Variants in NRG3 observed in about 807,000 individuals in gnomAD.
NRG3 encodes the protein neuregulin 3.
NRG3 carries 31 observed loss-of-function variants against 66.9 expected under a neutral mutation model. The observed-to-expected ratio is 0.46, with a 90% CI of 0.35 to 0.63. NRG3 has a LOEUF of 0.63. Ranked by LOEUF, NRG3 falls within the 20% of genes least tolerant of loss-of-function variation. The pLI, the probability that NRG3 is intolerant of heterozygous loss-of-function variation, is 0.00. For missense variants in NRG3, 910 were observed against 878.9 expected, an observed-to-expected ratio of 1.04 and a Z score of -0.45; for synonymous variants, 393 against 359.4, an observed-to-expected ratio of 1.09 and a Z score of -1.06.
At chr10:82,939,908 A>G (rs1368557628) in intron 4 of NRG3, among the ~76,000 whole-genome samples, 1 of 151,590 alleles carries the variant, frequency 6.6e-6, no homozygotes, top group Non-Finnish European at 1.5e-5. Context: ...ACCAAGCAGA[A>G]GACCACTGGT....
In NRG3 at chr10:82,247,884, C is replaced by A. The variant is rs145762824; in HGVS notation, c.824-110855C>A. On this transcript the variant is annotated intron_variant, in intron 1 of 8. Coordinates refer to ENST00000372141, the MANE Select transcript of NRG3 (RefSeq NM_001010848.4). ...CTTCTATTTACTGCTGATTTTCATT[C>A]TACCTAACTTCTCTGCAAAGATGGT... 5.6e-3 allele frequency among the ~76,000 whole-genome samples: 852 copies of A among 152,196 alleles called. 24 individuals are homozygous for A. Among genetic ancestry groups the A allele is most frequent in the Admixed American group, 0.044 (677 of 15,278 alleles).
rs916919710 is a variant in NRG3 at position 82,776,012 on chromosome 10, T to G, written c.1027+37362T>G. Among the ~76,000 whole-genome samples, 17 of 152,298 alleles carry G rather than the reference T, an allele frequency of 1.1e-4. No individual in the cohort carries two copies. In the East Asian group the frequency reaches 1.2e-3, roughly 10 times the overall value. ...GAATATTCTGAATTTTACTATAAAT[T>G]TATTTCTATCAGTGAGTTTTATACT... is the stretch of plus-strand genomic sequence containing the variant. On this transcript the variant is annotated intron_variant, in intron 3 of 8. Transcript: ENST00000372141.
intron 1 of NRG3, among the ~76,000 whole-genome samples, chr10:81,896,398 G>A (rs1434683464): frequency 6.6e-6 from 1 of 152,124 alleles, no homozygotes; most frequent in Non-Finnish European, 1.5e-5. Context: ...TAGGTTGATT[G>A]TTTTTAAGAA....
rs1330489567 is a variant in NRG3, at chr10:81,875,345, G to C, written c.5G>C (p.Ser2Thr). The change falls in exon 1 of 9, where the codon AGT becomes ACT. Residue 2 changes from serine (S) to threonine (T), a missense_variant. Physicochemically the swap from Ser to Thr is moderately conservative, Grantham distance 58 (BLOSUM62 1). Transcript: ENST00000372141. The surrounding 1 kb of genome is among the most constrained non-coding windows in gnomAD (Gnocchi z 5.3). MSEGAAAASPPG... is the reference protein window; with the variant it reads MTEGAAAASPPG... ...AGGTGAAGACCGGCTCCTAGGATGA[G>C]TGAAGGGGCGGCCGCTGCCTCGCCA... The C allele has an allele frequency of 1.0e-6, 1 of 988,472 alleles. No homozygotes were observed. The highest frequency in any genetic ancestry group is 1.2e-6 in the Non-Finnish European group (1 of 833,438). 61.2% of individuals were successfully genotyped at this position (988,472 alleles called of 1,614,324 possible).
At chr10:82,328,662 G>A (rs914377091) in intron 1 of NRG3, among the ~76,000 whole-genome samples, 1 of 152,134 alleles carries the variant, frequency 6.6e-6, no homozygotes, top group African/African-American at 2.4e-5. Flanking sequence ...TAACTGCCTT[G>A]GAGTGATTTC....
At chr10:82,829,241 G>A (rs1200812629) in intron 3 of NRG3, among the ~76,000 whole-genome samples, 1 of 152,126 alleles carries the variant, frequency 6.6e-6, no homozygotes, top group Non-Finnish European at 1.5e-5. Context: ...AGTGCAGAAG[G>A]AGAGAGTGGC....
At position 82,650,674 on chromosome 10, in the gene NRG3, G is replaced by A. The variant is rs116005970; in HGVS notation, c.954-87903G>A. Among the ~76,000 whole-genome samples the A allele has an allele frequency of 7.6e-4, 115 of 152,304 alleles. 2 individuals carry two copies. Among genetic ancestry groups the A allele is most frequent in the African/African-American group, 2.5e-3 (102 of 41,564 alleles). On this transcript the variant is annotated intron_variant, in intron 2 of 8. Coordinates refer to ENST00000372141, the MANE Select transcript of NRG3 (RefSeq NM_001010848.4). ...TAAGTAACAGTGGTTAACTGGTTAA[G>A]TCATTTTCCAGACACAGAAAAAGTT...
chr10:82,697,428 C>A (rs2055478609), intron 2 of NRG3, among the ~76,000 whole-genome samples: 1 of 152,150 alleles, frequency 6.6e-6, no homozygotes, highest in African/African-American at 2.4e-5. Context: ...AAGACTCAGG[C>A]AGCTAGCCAT....
chr10:82,519,104 T>C (rs1565018363), intron 2 of NRG3, among the ~76,000 whole-genome samples: 1 of 152,148 alleles, frequency 6.6e-6, no homozygotes, highest in Non-Finnish European at 1.5e-5. Context: ...TGAAAAACTG[T>C]GTATGGTGTA....
At chr10:82,217,294 C>T (rs2133726410) in intron 1 of NRG3, among the ~76,000 whole-genome samples, 1 of 152,264 alleles carries the variant, frequency 6.6e-6, no homozygotes, top group East Asian at 1.9e-4. Context: ...GTCTGCATTC[C>T]AGCTACCTGG....
intron 1 of NRG3, among the ~76,000 whole-genome samples, chr10:82,168,457 A>T (rs1724628955): frequency 6.6e-6 from 1 of 152,170 alleles, no homozygotes; most frequent in Admixed American, 6.6e-5. Flanking sequence ...GCCCATCAAA[A>T]TATGGAGAGA....
chr10:82,321,282 A>C, intron 1 of NRG3, among the ~76,000 whole-genome samples: 1 of 143,076 alleles, frequency 7.0e-6, no homozygotes, highest in Non-Finnish European at 1.5e-5. Context: ...CACCCCTGTC[A>C]CACATCCTGT....
At chr10:82,723,803 A>G (rs563718087) in intron 2 of NRG3, among the ~76,000 whole-genome samples, 33 of 152,084 alleles carry the variant, frequency 2.2e-4, no homozygotes, top group African/African-American at 7.5e-4. Flanking sequence ...AACATGGTGA[A>G]ACCCCATCTC....
At chr10:81,977,897 TTTTA>T (rs2060185765) in intron 1 of NRG3, among the ~76,000 whole-genome samples, 1 of 152,186 alleles carries the variant, frequency 6.6e-6, no homozygotes, top group Non-Finnish European at 1.5e-5. Flanking sequence ...ACTTTTTATT[TTTTA>T]TTTATACCTA....
intron 1 of NRG3, among the ~76,000 whole-genome samples, chr10:82,182,684 T>G (rs548305386): frequency 8.7e-4 from 133 of 152,020 alleles, no homozygotes; most frequent in African/African-American, 2.7e-3. Flanking sequence ...CTTACAGTAT[T>G]ATAGTATTGT....
At chr10:82,843,406 A>G (rs570352936) in intron 3 of NRG3, among the ~76,000 whole-genome samples, 9 of 152,264 alleles carry the variant, frequency 5.9e-5, no homozygotes, top group Admixed American at 3.3e-4. Flanking sequence ...GCCAGCCCCC[A>G]ATCCTAGACT....
intron 1 of NRG3, among the ~76,000 whole-genome samples, chr10:82,266,463 C>A (rs1242717808): frequency 6.6e-6 from 1 of 152,104 alleles, no homozygotes; most frequent in Non-Finnish European, 1.5e-5. Flanking sequence ...GGAAGACAAG[C>A]CTCAATAACT....
Position 82,491,293 on chromosome 10 carries a change from A to AATATATATATATATATATATATACATAT in NRG3, c.953+132448_953+132449insCATATATATATATATATATATATATATA, listed in dbSNP as rs10652539. On this transcript the variant is annotated intron_variant, in intron 2 of 8. Coordinates refer to ENST00000372141, the MANE Select transcript of NRG3 (RefSeq NM_001010848.4). ...GATTCTGCCTATGCTGTTCCCATAA[A>AATATATATATATATATATATATACATAT]ATATATATATATATATATATATAAA... Among the ~76,000 whole-genome samples the AATATATATATATATATATATATACATAT allele has an allele frequency of 3.6e-5, 3 of 82,192 alleles. No individual in the cohort carries two copies. In the South Asian group the frequency reaches 1.8e-3, roughly 50 times the overall value. 53.9% of individuals were successfully genotyped at this position (82,192 alleles called of 152,430 possible).
In NRG3 at chr10:82,089,284, G is replaced by A. The variant is rs115184312; in HGVS notation, c.823+213121G>A. On this transcript the variant is annotated intron_variant, in intron 1 of 8. Coordinates refer to ENST00000372141, the MANE Select transcript of NRG3 (RefSeq NM_001010848.4). The stretch of plus-strand genomic sequence containing the variant: ...AAAATAGTGGCCTTTCTTACATTTT[G>A]TATTAGAGCTTTACTTTTTTTCTGC... 1.9e-3 allele frequency among the ~76,000 whole-genome samples: 289 copies of A among 152,234 alleles called. 2 individuals are homozygous for A. The highest frequency in any genetic ancestry group is 6.6e-3 in the African/African-American group (276 of 41,538).
Sources: allele counts gnomAD v4.1 joint callset (sites outside exome capture counted in the v4.1 genomes callset), GRCh38; gene constraint gnomAD v4.1.1; non-coding constraint Gnocchi (gnomAD v3.1); transcripts MANE v1.5; gene names NCBI Gene and HGNC (gene_info 2026-07-23, HGNC 2026-07-21).